Variants in PASD1 observed in about 807,000 individuals in gnomAD.
PASD1 encodes the protein PAS domain containing repressor 1.
Under a neutral mutation model 58.8 loss-of-function variants are expected in PASD1, and 13 were observed. The ratio of observed to expected loss-of-function variants is 0.22; its 90% confidence interval spans 0.14 to 0.35. PASD1 has a LOEUF of 0.35. Ranked by LOEUF, PASD1 falls within the 10% of genes least tolerant of loss-of-function variation. The pLI, the probability that PASD1 is intolerant of heterozygous loss-of-function variation, is 1.00. For missense variants in PASD1, 734 were observed against 568.3 expected (o/e 1.29, Z -2.96); for synonymous variants, 236 against 216.7 (o/e 1.09, Z -0.78).
In PASD1 at chrX:151,594,064, C is replaced by T. The variant is rs2013284838; in HGVS notation, c.-27-7463C>T. 4.5e-5 allele frequency among the ~76,000 whole-genome samples: 5 copies of T among 111,111 alleles called. No individual in the cohort carries two copies. The Admixed American group carries it at 4.8e-4, about 11-fold the overall frequency. On this transcript the variant is annotated intron_variant, in intron 1 of 15. Coordinates refer to ENST00000370357, the MANE Select transcript of PASD1 (RefSeq NM_173493.3). ...TCTCGGCTCACTGCAATCTCGGCCT[C>T]CTGGATTCATGCCATTCTCCTGCCT...
intron 14 of PASD1, chrX:151,673,645 T>G: frequency 2.6e-6 from 1 of 378,761 alleles, no homozygotes; most frequent in Non-Finnish European, 4.6e-6. Context: ...GAAATGACTT[T>G]CCAAGGCCAC....
At chrX:151,675,868 C>A (rs2014537064) in intron 15 of PASD1, 129 bp from the exon 16 acceptor site, 1 of 716,172 alleles carries the variant, frequency 1.4e-6, no homozygotes, top group Non-Finnish European at 2.1e-6. Flanking sequence ...CATCACCTTG[C>A]AGGCTCATGT....
chrX:151,667,478 T>G (rs1444505735), intron 11 of PASD1, among the ~76,000 whole-genome samples: 10 of 112,190 alleles, frequency 8.9e-5, no homozygotes, highest in Admixed American at 2.8e-4. Flanking sequence ...CTGAATGGTA[T>G]TGCCTAGGTT....
intron 9 of PASD1, among the ~76,000 whole-genome samples, chrX:151,656,954 C>T (rs1473795614): frequency 1.8e-5 from 2 of 111,544 alleles, no homozygotes; most frequent in African/African-American, 6.5e-5. Flanking sequence ...AAGGGAAAGC[C>T]TCCGGTTTTT....
At chrX:151,611,864 A>C in intron 4 of PASD1, 111 bp downstream of exon 4, 3 of 502,360 alleles carry the variant, frequency 6.0e-6, no homozygotes, top group Non-Finnish European at 9.6e-6. Flanking sequence ...CATGTGCACA[A>C]CGTGCAGGTT....
chrX:151,580,464 A>T (rs2013069050), intron 1 of PASD1, among the ~76,000 whole-genome samples: 1 of 105,359 alleles, frequency 9.5e-6, no homozygotes, highest in South Asian at 4.2e-4. Flanking sequence ...TCTCCTGTTG[A>T]CCTTTTCCTT....
Position 151,606,212 on chromosome X carries a change from G to T in PASD1, c.117+1478G>T, listed in dbSNP as rs773289903. Among the ~76,000 whole-genome samples the T allele has an allele frequency of 5.0e-4, 55 of 110,955 alleles. No individual in the cohort carries two copies. The South Asian group carries it at 0.021, about 41-fold the overall frequency. ...TTCTTTATTCATGAAGTTTTTTCTT[G>T]AAATAAACAAGCCCAGTCTGGCTAA... is the stretch of plus-strand genomic sequence containing the variant. On this transcript the variant is annotated intron_variant, in intron 3 of 15. Transcript: ENST00000370357.
chrX:151,578,553 C>A (rs1183377283), intron 1 of PASD1, among the ~76,000 whole-genome samples: 3 of 112,582 alleles, frequency 2.7e-5, no homozygotes, highest in Non-Finnish European at 5.6e-5. Context: ...GCATCAAAAA[C>A]TCCTGAGGTA....
intron 11 of PASD1, among the ~76,000 whole-genome samples, chrX:151,665,617 G>C (rs996052084): frequency 3.6e-5 from 4 of 111,766 alleles, no homozygotes; most frequent in African/African-American, 1.3e-4. Flanking sequence ...GGGTCATAAA[G>C]TGGAAGATAT....
intron 4 of PASD1, among the ~76,000 whole-genome samples, chrX:151,616,071 G>C (rs1248715970): frequency 8.9e-6 from 1 of 112,116 alleles, no homozygotes; most frequent in Admixed American, 9.5e-5. Context: ...GTGAGCAAAA[G>C]GAAAATAGAG....
chrX:151,571,005 C>T (rs994592509), intron 1 of PASD1, among the ~76,000 whole-genome samples: 9 of 111,810 alleles, frequency 8.0e-5, no homozygotes, highest in Non-Finnish European at 1.5e-4. Context: ...AAATCTCTCT[C>T]CTTTGTCCAA....
intron 1 of PASD1, among the ~76,000 whole-genome samples, chrX:151,581,160 G>A (rs183876248): frequency 1.0e-5 from 1 of 98,149 alleles, no homozygotes; most frequent in South Asian, 5.7e-4. Flanking sequence ...CCTGGGAGGC[G>A]GAGGTGGCAG....
chrX:151,665,771 G>A (rs1325456982), intron 11 of PASD1, among the ~76,000 whole-genome samples: 2 of 110,491 alleles, frequency 1.8e-5, no homozygotes, highest in Non-Finnish European at 3.8e-5. Flanking sequence ...GAAAAGCAAA[G>A]AAAATTTCTG....
At position 151,672,225 on chromosome X, in the gene PASD1, CGGCAGCTGCGGG is replaced by C. The variant is rs753502727; in HGVS notation, c.1481_1492del (p.Arg494_Glu498delinsGln). The C allele has an allele frequency of 8.8e-7, 1 of 1,136,129 alleles. No individual in the cohort carries two copies. The highest frequency in any genetic ancestry group is 1.8e-5 in the African/African-American group (1 of 54,709). 93.6% of individuals were successfully genotyped at this position (1,136,129 alleles called of 1,213,427 possible). Reference sequence around the variant, plus strand: ...AGAACAACACCTGAAGGAGCAGCAGCGGCAGCTGCGGGAGCAGCTGCAACAGCTGAGAGAGCA... The same window carrying C: ...AGAACAACACCTGAAGGAGCAGCAGCAGCAGCTGCAACAGCTGAGAGAGCA... On this transcript the variant is annotated inframe_deletion, in exon 14 of 16. Transcript: ENST00000370357.
chrX:151,623,012 A>G lies in PASD1; in HGVS notation c.494A>G (p.Asp165Gly). Residue 165 changes from aspartate to glycine, a missense_variant, in exon 7 of 16, where the codon GAT (aspartate) becomes GGT (glycine). Coordinates refer to ENST00000370357, the MANE Select transcript of PASD1 (RefSeq NM_173493.3). The part of the protein sequence containing the change: ...ADFAACVPQE[D>G]RLYLVGNVCI... ...TTTGCTGCATGTGTTCCTCAGGAGG[A>G]TCGGCTTTATCTTGTGGGAAATGTT... is the stretch of plus-strand genomic sequence containing the variant. 3 of 1,208,928 alleles carry G rather than the reference A, an allele frequency of 2.5e-6. No individual in the cohort carries two copies. Among genetic ancestry groups the G allele is most frequent in the Non-Finnish European group, 3.4e-6 (3 of 893,620 alleles).
chrX:151,614,549 G>T (rs1460043461), intron 4 of PASD1, among the ~76,000 whole-genome samples: 1 of 112,063 alleles, frequency 8.9e-6, no homozygotes, highest in Non-Finnish European at 1.9e-5. Flanking sequence ...TTTGGGAGAG[G>T]ATATGAAGAA....
intron 13 of PASD1, 102 bp from the exon 14 acceptor site, chrX:151,672,081 T>C: frequency 9.3e-7 from 1 of 1,078,758 alleles, no homozygotes; most frequent in Non-Finnish European, 1.2e-6. Flanking sequence ...GCTCAACTGT[T>C]GTCACCTTTT....
intron 9 of PASD1, among the ~76,000 whole-genome samples, chrX:151,654,133 C>A (rs759378231): frequency 9.6e-6 from 1 of 103,843 alleles, no homozygotes; most frequent in South Asian, 4.6e-4. Context: ...CCAGACTCAC[C>A]TCATTTTAAA....
At chrX:151,585,008 T>G (rs2013146224) in intron 1 of PASD1, among the ~76,000 whole-genome samples, 1 of 111,994 alleles carries the variant, frequency 8.9e-6, no homozygotes, top group African/African-American at 3.2e-5. Context: ...TACCCAATGC[T>G]TTGTGTCTGT....
Sources: gnomAD v4.1 joint callset for allele counts (sites outside exome capture counted in the v4.1 genomes callset) on GRCh38, gnomAD v4.1.1 for gene constraint, MANE v1.5 for transcripts, NCBI Gene and HGNC (gene_info 2026-07-23, HGNC 2026-07-21) for gene names.